The following ZSWIM6 variants were observed in gnomAD, a reference collection of about 807,000 sequenced individuals.
ZSWIM6 encodes the protein zinc finger SWIM domain-containing protein 6.
Under a neutral mutation model 113.2 loss-of-function variants are expected in ZSWIM6, and 9 were observed. That is an observed-to-expected ratio of 0.08 (90% CI 0.05 to 0.14). ZSWIM6 has a LOEUF of 0.14. Among genes scored for constraint, ZSWIM6 ranks in the 10% least tolerant of loss-of-function variants. ZSWIM6 has a pLI of 1.00. For missense variants in ZSWIM6, 1,162 were observed against 1,552.2 expected, an observed-to-expected ratio of 0.75 and a Z score of 4.22; for synonymous variants, 611 against 606.5, an observed-to-expected ratio of 1.01 and a Z score of -0.11.
chr5:61,448,815 T>G (rs560818705), intron 1 of ZSWIM6, among the ~76,000 whole-genome samples: 1 of 152,082 alleles, frequency 6.6e-6, no homozygotes, highest in Admixed American at 6.6e-5. Flanking sequence ...TAGATGGGAG[T>G]GGAAGTTAAG....
chr5:61,361,545 T>C (rs1486695196), intron 1 of ZSWIM6, among the ~76,000 whole-genome samples: 1 of 152,224 alleles, frequency 6.6e-6, no homozygotes, highest in Non-Finnish European at 1.5e-5. Flanking sequence ...TGCTGTATTA[T>C]TAAGACCAAG....
chr5:61,469,254 C>T (rs1412315807), intron 1 of ZSWIM6, among the ~76,000 whole-genome samples: 2 of 152,324 alleles, frequency 1.3e-5, no homozygotes, highest in South Asian at 2.1e-4. Flanking sequence ...CCTAAATGGT[C>T]TCCTGATTAG....
At chr5:61,469,274 G>A (rs1282735331) in intron 1 of ZSWIM6, among the ~76,000 whole-genome samples, 3 of 152,206 alleles carry the variant, frequency 2.0e-5, no homozygotes, top group Non-Finnish European at 4.4e-5. Context: ...GGCGGGCAGA[G>A]TAGAATTTGT....
chr5:61,496,080 C>T (rs1459355444), intron 4 of ZSWIM6, among the ~76,000 whole-genome samples: 2 of 152,094 alleles, frequency 1.3e-5, no homozygotes, highest in African/African-American at 2.4e-5. Flanking sequence ...TTGAAAATTA[C>T]GTACCTTAAC....
chr5:61,535,869 G>A (rs1292937969), intron 10 of ZSWIM6, among the ~76,000 whole-genome samples: 2 of 152,112 alleles, frequency 1.3e-5, no homozygotes, highest in Non-Finnish European at 2.9e-5. Flanking sequence ...CTACTTTTTC[G>A]TGAAGCACAA....
At chr5:61,442,365 T>C (rs149221240) in intron 1 of ZSWIM6, among the ~76,000 whole-genome samples, 1 of 152,296 alleles carries the variant, frequency 6.6e-6, no homozygotes, top group East Asian at 1.9e-4. Context: ...TCATCATTCA[T>C]AGGGAATCTG....
intron 1 of ZSWIM6, among the ~76,000 whole-genome samples, chr5:61,372,181 A>G (rs980806502): frequency 2.0e-5 from 3 of 151,958 alleles, no homozygotes; most frequent in Non-Finnish European, 4.4e-5. Context: ...CCTTTCTACC[A>G]TTGCGCATAA....
chr5:61,495,845 T>C (rs1748301338), intron 4 of ZSWIM6, among the ~76,000 whole-genome samples: 1 of 152,106 alleles, frequency 6.6e-6, no homozygotes, highest in Admixed American at 6.6e-5. Context: ...AAAACTATAA[T>C]GAAGGGGATC....
chr5:61,521,385 G>A lies in ZSWIM6; in HGVS notation c.1456G>A (p.Gly486Ser). The change falls in exon 5 of 14, where the codon GGC becomes AGC. Residue 486 changes from glycine to serine, a missense_variant. Physicochemically the swap from Gly to Ser is moderately conservative, Grantham distance 56. Coordinates refer to ENST00000252744, the MANE Select transcript of ZSWIM6 (RefSeq NM_020928.2). ...DVCPWEDGNH[G>S]SELPNLTNAL... The stretch of plus-strand genomic sequence containing the variant: ...CTGTCCATGGGAAGATGGAAATCAT[G>A]GCAGTGAATTACCCAACTTAACCAA... 5.2e-6 allele frequency: 8 copies of A among 1,530,494 alleles called. No homozygotes were observed. Among genetic ancestry groups the A allele is most frequent in the Admixed American group, 2.1e-5 (1 of 47,684 alleles). 94.8% of individuals were successfully genotyped at this position (1,530,494 alleles called of 1,614,324 possible).
chr5:61,415,131 A>G (rs1746220712), intron 1 of ZSWIM6, among the ~76,000 whole-genome samples: 1 of 152,228 alleles, frequency 6.6e-6, no homozygotes, highest in South Asian at 2.1e-4. Flanking sequence ...CAGAGCTAAT[A>G]GTTTTGTTTT....
intron 2 of ZSWIM6, among the ~76,000 whole-genome samples, chr5:61,479,086 A>G (rs914320095): frequency 9.9e-5 from 15 of 151,790 alleles, no homozygotes; most frequent in African/African-American, 3.6e-4. Context: ...CAGGAGAATC[A>G]CTTGAACTTG....
At chr5:61,440,603 A>G (rs1746806673) in intron 1 of ZSWIM6, among the ~76,000 whole-genome samples, 1 of 152,208 alleles carries the variant, frequency 6.6e-6, no homozygotes, top group Non-Finnish European at 1.5e-5. Flanking sequence ...GGGTTAAATA[A>G]ACCTTGCTTT....
intron 7 of ZSWIM6, among the ~76,000 whole-genome samples, chr5:61,528,464 CTCA>C (rs2112272521): frequency 6.6e-6 from 1 of 151,992 alleles, no homozygotes; most frequent in African/African-American, 2.4e-5. Context: ...AGGAGTAGTG[CTCA>C]TGTTTCTTTT....
intron 1 of ZSWIM6, chr5:61,390,964 G>C: frequency 1.3e-6 from 1 of 760,358 alleles, no homozygotes; most frequent in South Asian, 1.3e-5. Flanking sequence ...ATAGTCAGTG[G>C]AGGCATTGTT....
intron 1 of ZSWIM6, chr5:61,391,114 C>T (rs1282674240): frequency 4.0e-6 from 3 of 754,290 alleles, no homozygotes; most frequent in Non-Finnish European, 7.4e-6. Context: ...TGTCCCAGTA[C>T]AGGCCACTTT....
chr5:61,400,281 C>G (rs74852363), intron 1 of ZSWIM6, among the ~76,000 whole-genome samples: 1 of 152,080 alleles, frequency 6.6e-6, no homozygotes, highest in Admixed American at 6.5e-5. Flanking sequence ...AGTTCTCTTT[C>G]CAGTTATGCT....
chr5:61,449,175 C>T (rs937274081), intron 1 of ZSWIM6, among the ~76,000 whole-genome samples: 2 of 152,118 alleles, frequency 1.3e-5, no homozygotes, highest in Non-Finnish European at 2.9e-5. Context: ...GTAGGATGCC[C>T]ACTATTTTAT....
intron 1 of ZSWIM6, among the ~76,000 whole-genome samples, chr5:61,348,042 A>G (rs1744700063): frequency 1.3e-5 from 2 of 152,198 alleles, no homozygotes; most frequent in South Asian, 4.1e-4. Context: ...TAACACGGTG[A>G]AACCCTGTCT....
At chr5:61,489,649 T>C (rs1046107279) in intron 2 of ZSWIM6, among the ~76,000 whole-genome samples, 2 of 151,958 alleles carry the variant, frequency 1.3e-5, no homozygotes, top group African/African-American at 4.8e-5. Flanking sequence ...TTCAGCAAAA[T>C]TTGAAAGCCC....
Sources: allele counts gnomAD v4.1 joint callset (sites outside exome capture counted in the v4.1 genomes callset), GRCh38; gene constraint gnomAD v4.1.1; transcripts MANE v1.5; gene names NCBI Gene and HGNC (gene_info 2026-07-23, HGNC 2026-07-21).